Variants in TBC1D14 observed in about 807,000 individuals in gnomAD.
TBC1D14 encodes TBC1 domain family member 14.
In TBC1D14, 26 loss-of-function variants were observed where a neutral mutation model predicts 79.0. The observed-to-expected ratio is 0.33, with a 90% CI of 0.24 to 0.46. The LOEUF (loss-of-function observed/expected upper bound fraction) is 0.46. Ranked by LOEUF, TBC1D14 falls within the 20% of genes least tolerant of loss-of-function variation. TBC1D14 has a pLI of 1.00. For synonymous variants in TBC1D14, 394 were observed against 349.9 expected (o/e 1.13, Z -1.40); for missense variants, 769 against 887.6 (o/e 0.87, Z 1.70).
intron 13 of TBC1D14, among the ~76,000 whole-genome samples, chr4:7,028,396 G>A (rs1342780750): frequency 6.6e-5 from 10 of 151,814 alleles, no homozygotes; most frequent in Non-Finnish European, 1.0e-4. Context: ...GGGGTGGGGG[G>A]CTTGGGCATC....
Position 7,030,590 on chromosome 4 carries a change from G to T in TBC1D14, c.*198G>T, listed in dbSNP as rs1722956307. 1 of 513,986 alleles carries T rather than the reference G, an allele frequency of 1.9e-6. No individual in the cohort carries two copies. The allele number at this position is 513,986 out of a possible 1,614,324, so 31.8% of individuals were successfully genotyped here. ...CCAAGGCTTAGCCTTAAGCAGCTCAGTGGAAGGATGAGCTGCTGCGGACCA... is the reference window on the plus strand; with the variant it reads ...CCAAGGCTTAGCCTTAAGCAGCTCATTGGAAGGATGAGCTGCTGCGGACCA... On this transcript the variant is annotated 3_prime_UTR_variant, in exon 14 of 14. Transcript: ENST00000409757.
chr4:7,024,970 CA>C, intron 12 of TBC1D14, 33 bp from the exon 13 acceptor site: 4 of 1,609,170 alleles, frequency 2.5e-6, no homozygotes, highest in Non-Finnish European at 3.4e-6. Context: ...AGGAGAGATT[CA>C]AAATCTGAAA....
At chr4:7,005,422 C>G (rs1181349642) in intron 8 of TBC1D14, among the ~76,000 whole-genome samples, 1 of 152,208 alleles carries the variant, frequency 6.6e-6, no homozygotes, top group Non-Finnish European at 1.5e-5. Flanking sequence ...GTAATCCTAG[C>G]TACTCGGGAG....
chr4:7,019,695 T>C (rs1025820178), intron 12 of TBC1D14, among the ~76,000 whole-genome samples: 9 of 149,028 alleles, frequency 6.0e-5, no homozygotes, highest in Non-Finnish European at 1.2e-4. Flanking sequence ...ACTGGAACCC[T>C]GCTGGGCTCA....
chr4:7,020,373 C>G (rs1721708476), intron 12 of TBC1D14, among the ~76,000 whole-genome samples: 1 of 152,242 alleles, frequency 6.6e-6, no homozygotes, highest in African/African-American at 2.4e-5. Context: ...TTCACAAAAT[C>G]TAATGAGGCT....
rs1471827605 is a variant in TBC1D14, at chr4:6,954,176, G to A, written c.723-13128G>A. 7 of 656,224 alleles carry A rather than the reference G, an allele frequency of 1.1e-5. No homozygotes were observed. In the East Asian group the frequency reaches 1.7e-4, roughly 16 times the overall value. 40.7% of individuals were successfully genotyped at this position (656,224 alleles called of 1,614,324 possible). A position where few individuals can be genotyped will look rare whatever the true frequency, so the allele number is the denominator to read the frequency against. ...TTGCCTTCATCTGGCAGACGCGAGG[G>A]GCGGGGCTCCGAGTGCACCCATGGA... is the stretch of plus-strand genomic sequence containing the variant. On this transcript the variant is annotated intron_variant, in intron 2 of 13. Coordinates refer to ENST00000409757, the MANE Select transcript of TBC1D14 (RefSeq NM_020773.3).
chr4:6,939,325 C>T (rs984129958), intron 2 of TBC1D14, among the ~76,000 whole-genome samples: 2 of 151,456 alleles, frequency 1.3e-5, no homozygotes, highest in African/African-American at 4.9e-5. Flanking sequence ...CCACAGGAGC[C>T]CCCCCCAGGA....
chr4:6,922,250 CTT>C (rs1723928569), intron 1 of TBC1D14, among the ~76,000 whole-genome samples: 1 of 152,098 alleles, frequency 6.6e-6, no homozygotes, highest in South Asian at 2.1e-4. Context: ...GAGACAGGGT[CTT>C]GTTACGTTGC....
rs968009659 is a variant in TBC1D14, at chr4:6,923,565, A to G, written c.176A>G (p.His59Arg). The G allele has an allele frequency of 1.9e-6, 3 of 1,613,994 alleles. No individual in the cohort carries two copies. In the African/African-American group the frequency reaches 4.0e-5, roughly 22 times the overall value. ...AAACTCAGGGCTTTAGAAGACCGGC[A>G]CAGCCTCCAGTCCGTGGACTCGGGG... ...KLKLRALEDR[H>R]SLQSVDSGIP... is the part of the protein sequence containing the mutation. The change falls in exon 2 of 14, where the codon CAC becomes CGC. Residue 59 changes from histidine (H) to arginine (R), a missense_variant. Physicochemically the swap from His to Arg is conservative, Grantham distance 29. Transcript: ENST00000409757.
chr4:6,974,300 T>TTC lies in TBC1D14; in HGVS notation c.843+6887_843+6888dup, dbSNP rs147071868. On this transcript the variant is annotated intron_variant, in intron 3 of 13. Coordinates refer to ENST00000409757, the MANE Select transcript of TBC1D14 (RefSeq NM_020773.3). ...AAAGTGTGAACCCCCCGATGCTTTA[T>TTC]TCTCTCTCTCTCCCCATTACCTGGC... 2.7e-3 allele frequency among the ~76,000 whole-genome samples: 412 copies of TTC among 152,186 alleles called. 3 individuals are homozygous for TTC. Among genetic ancestry groups the TTC allele is most frequent in the Admixed American group, 0.013 (196 of 15,282 alleles).
chr4:7,000,614 A>G (rs1245833354), intron 6 of TBC1D14, among the ~76,000 whole-genome samples: 2 of 152,200 alleles, frequency 1.3e-5, no homozygotes, highest in African/African-American at 2.4e-5. Context: ...TGTACAGCCT[A>G]CAATGTTCTG....
At chr4:6,963,196 G>A (rs557910603) in intron 2 of TBC1D14, among the ~76,000 whole-genome samples, 1 of 152,262 alleles carries the variant, frequency 6.6e-6, no homozygotes, top group East Asian at 1.9e-4. Flanking sequence ...GGGTGGGACA[G>A]GTGCATTTGA....
intron 2 of TBC1D14, among the ~76,000 whole-genome samples, chr4:6,930,932 G>T (rs909676903): frequency 1.3e-5 from 2 of 152,022 alleles, no homozygotes; most frequent in South Asian, 4.2e-4. Context: ...ATGAAATCTT[G>T]CTGTGTTGCC....
At chr4:6,987,379 C>A (rs775551357) in intron 3 of TBC1D14, 14 of 1,413,586 alleles carry the variant, frequency 9.9e-6, no homozygotes, top group Non-Finnish European at 1.3e-5. Flanking sequence ...GGTGCCTCTC[C>A]CTGCGCCCCA....
intron 1 of TBC1D14, among the ~76,000 whole-genome samples, chr4:6,916,146 G>A (rs1473779151): frequency 6.6e-6 from 1 of 151,674 alleles, no homozygotes; most frequent in Admixed American, 6.6e-5. Context: ...AAAAAAAAGG[G>A]ATAAGAATCC....
Position 6,939,005 on chromosome 4 carries a change from G to A in TBC1D14, c.722+14894G>A, listed in dbSNP as rs1359470646. The stretch of plus-strand genomic sequence containing the variant: ...GCTGGCCTGAGTGCTGCATGGGAAA[G>A]CACCGTGGACACCATGGGGAAGAGA... On this transcript the variant is annotated intron_variant, in intron 2 of 13. Transcript: ENST00000409757. 1.4e-4 allele frequency among the ~76,000 whole-genome samples: 21 copies of A among 152,162 alleles called. 1 individual carries two copies. Among genetic ancestry groups the A allele is most frequent in the Admixed American group, 1.4e-3 (21 of 15,278 alleles).
chr4:7,027,339 A>G, intron 13 of TBC1D14, among the ~76,000 whole-genome samples: 1 of 131,628 alleles, frequency 7.6e-6, no homozygotes, highest in African/African-American at 2.9e-5. Context: ...CACCCCACAC[A>G]CACAATCACC....
intron 11 of TBC1D14, among the ~76,000 whole-genome samples, chr4:7,013,187 G>A (rs142335732): frequency 5.3e-5 from 8 of 152,356 alleles, no homozygotes; most frequent in East Asian, 1.9e-4. Context: ...ACTTAGGACT[G>A]TGTGACTCTG....
intron 13 of TBC1D14, 67 bp from the exon 14 acceptor site, chr4:7,030,260 G>C (rs1198881380): frequency 4.0e-5 from 61 of 1,521,566 alleles, no homozygotes; most frequent in Non-Finnish European, 5.4e-5. Flanking sequence ...TGCTGTCTCT[G>C]CTTCGCTGCT....
Sources: gnomAD v4.1 joint callset for allele counts (sites outside exome capture counted in the v4.1 genomes callset) on GRCh38, gnomAD v4.1.1 for gene constraint, MANE v1.5 for transcripts, NCBI Gene and HGNC (gene_info 2026-07-23, HGNC 2026-07-21) for gene names.